MTMR7: variants seen among roughly 807,000 people sequenced by gnomAD.
The protein encoded by MTMR7 is myotubularin related protein 7.
In MTMR7, 76 loss-of-function variants were observed where a neutral mutation model predicts 81.2. The ratio of observed to expected loss-of-function variants is 0.94; its 90% CI spans 0.78 to 1.13. The LOEUF (loss-of-function observed/expected upper bound fraction) is 1.13, where lower values mean the gene tolerates loss of function less well. Ranked by LOEUF, MTMR7 falls within the 50% of genes most tolerant of loss-of-function variation. MTMR7 has a pLI of 0.00. For synonymous variants in MTMR7, 372 were observed against 289.8 expected (o/e 1.28, Z -2.88); for missense variants, 1,044 against 820.0 (o/e 1.27, Z -3.34).
intron 7 of MTMR7, among the ~76,000 whole-genome samples, chr8:17,321,987 A>G (rs915622548): frequency 1.3e-5 from 2 of 152,094 alleles, no homozygotes; most frequent in Non-Finnish European, 2.9e-5. Flanking sequence ...ATTTTCTCCT[A>G]TGCAATTGCT....
intron 6 of MTMR7, among the ~76,000 whole-genome samples, chr8:17,337,554 T>C (rs1318204099): frequency 2.0e-5 from 3 of 152,096 alleles, no homozygotes; most frequent in East Asian, 1.9e-4. Context: ...CTGAAGAGTA[T>C]AATTTTTTTT....
At chr8:17,368,571 T>G (rs1385302693) in intron 3 of MTMR7, among the ~76,000 whole-genome samples, 5 of 152,206 alleles carry the variant, frequency 3.3e-5, no homozygotes, top group Non-Finnish European at 5.9e-5. Flanking sequence ...ATCCCCCAGT[T>G]GAAGGCAACT....
intron 1 of MTMR7, among the ~76,000 whole-genome samples, chr8:17,380,572 TAAA>T (rs71215249): frequency 1.4e-5 from 2 of 146,442 alleles, no homozygotes; most frequent in Admixed American, 6.8e-5. Flanking sequence ...CTGATGAGCT[TAAA>T]AAAAAAAAAA....
At chr8:17,304,138 TATG>T (rs1042268575) in intron 12 of MTMR7, among the ~76,000 whole-genome samples, 2 of 152,222 alleles carry the variant, frequency 1.3e-5, no homozygotes, top group African/African-American at 4.8e-5. Flanking sequence ...TTAACCTTTT[TATG>T]ATATCATTAT....
intron 7 of MTMR7, among the ~76,000 whole-genome samples, chr8:17,314,207 G>T (rs554599388): frequency 6.6e-6 from 1 of 152,168 alleles, no homozygotes; most frequent in African/African-American, 2.4e-5. Context: ...CAAAGTGGAG[G>T]TTTAGACCTA....
In MTMR7 at chr8:17,307,604, C is replaced by T. The variant is rs952756701; in HGVS notation, c.1152-1647G>A. On this transcript the variant is annotated intron_variant, in intron 10 of 13. Transcript: ENST00000180173. ...ATGCACATGAATGTTTATAGCGGCACTATTCACAATAGCAAAGACTTGGAA... is the reference window on the plus strand; with the variant it reads ...ATGCACATGAATGTTTATAGCGGCATTATTCACAATAGCAAAGACTTGGAA... 1.1e-4 allele frequency among the ~76,000 whole-genome samples: 17 copies of T among 152,168 alleles called. No homozygotes were observed. In the East Asian group the frequency reaches 3.3e-3, roughly 29 times the overall value.
chr8:17,376,480 A>G (rs1056799155), intron 1 of MTMR7, among the ~76,000 whole-genome samples: 1 of 152,220 alleles, frequency 6.6e-6, no homozygotes, highest in African/African-American at 2.4e-5. Context: ...GTCATTTGGT[A>G]AGTCATATAG....
At chr8:17,308,533 G>A (rs768229081) in intron 10 of MTMR7, among the ~76,000 whole-genome samples, 54 of 152,268 alleles carry the variant, frequency 3.5e-4, no homozygotes, top group Non-Finnish European at 4.1e-4. Context: ...AGAAAACACA[G>A]TAAAACTTCT....
intron 6 of MTMR7, among the ~76,000 whole-genome samples, chr8:17,341,110 T>G: frequency 6.6e-6 from 1 of 152,218 alleles, no homozygotes; most frequent in East Asian, 1.9e-4. Context: ...CACATTCATT[T>G]GGGTGCCCCT....
At position 17,369,897 on chromosome 8, in the gene MTMR7, G is replaced by A. The variant is rs562669052; in HGVS notation, c.310+1140C>T. 1.8e-4 allele frequency among the ~76,000 whole-genome samples: 28 copies of A among 151,872 alleles called. No homozygotes were observed. The South Asian group carries it at 4.8e-3, about 26-fold the overall frequency. ...CCTGACTTTGCAATCCGCCTGCCTC[G>A]GCCTCCCAAAGTGCTGGGATTACAG... On this transcript the variant is annotated intron_variant, in intron 3 of 13. Transcript: ENST00000180173.
intron 13 of MTMR7, among the ~76,000 whole-genome samples, chr8:17,300,772 T>C (rs1817058975): frequency 6.6e-6 from 1 of 152,248 alleles, no homozygotes. Flanking sequence ...TCATTTCCCA[T>C]TCCTATCTCC....
At chr8:17,392,006 A>C (rs1244015793) in intron 1 of MTMR7, among the ~76,000 whole-genome samples, 1 of 152,142 alleles carries the variant, frequency 6.6e-6, no homozygotes, top group Non-Finnish European at 1.5e-5. Flanking sequence ...GGCCTAAGAA[A>C]TATGGTACAA....
chr8:17,312,601 A>T (rs958977932), intron 8 of MTMR7, among the ~76,000 whole-genome samples: 3 of 127,718 alleles, frequency 2.3e-5, no homozygotes, highest in African/African-American at 5.8e-5. Flanking sequence ...AAAAAAAAAA[A>T]TTCTCTGTCT....
At chr8:17,357,565 T>C (rs1156316766) in intron 4 of MTMR7, among the ~76,000 whole-genome samples, 3 of 152,116 alleles carry the variant, frequency 2.0e-5, no homozygotes, top group African/African-American at 4.8e-5. Context: ...TTTTCCCTCA[T>C]AGCTATCACA....
In MTMR7 at chr8:17,374,405, G is replaced by A. The variant is rs1251206640; in HGVS notation, c.25-1165C>T. Among the ~76,000 whole-genome samples, 8 of 151,598 alleles carry A rather than the reference G, an allele frequency of 5.3e-5. No individual in the cohort carries two copies. The East Asian group carries it at 5.9e-4, about 11-fold the overall frequency. On this transcript the variant is annotated intron_variant, in intron 1 of 13. Transcript: ENST00000180173. ...TGGGAGGCCGAGGCAGGTGGATCAC[G>A]AGGTAAAGAGATCGAGACCATCCTG...
intron 7 of MTMR7, among the ~76,000 whole-genome samples, chr8:17,325,505 G>T (rs535956071): frequency 6.6e-6 from 1 of 152,300 alleles, no homozygotes; most frequent in East Asian, 1.9e-4. Context: ...CTGCTAAAAA[G>T]ATTCCAGTCT....
chr8:17,317,807 TC>T (rs1818174189), intron 7 of MTMR7, among the ~76,000 whole-genome samples: 1 of 152,200 alleles, frequency 6.6e-6, no homozygotes, highest in Non-Finnish European at 1.5e-5. Flanking sequence ...AGCTTTTTTT[TC>T]TAGTCTGTGG....
rs932754500 is a variant in MTMR7, at chr8:17,298,043, A to T, written c.*1819T>A. ...TGGCATAGATACTTTGTCATTTTTT[A>T]AAAAATGTTTATTGTTTTTATAGAC... On this transcript the variant is annotated 3_prime_UTR_variant, in exon 14 of 14. Coordinates refer to ENST00000180173, the MANE Select transcript of MTMR7 (RefSeq NM_004686.5). 13 of 152,172 alleles carry T rather than the reference A, an allele frequency of 8.5e-5. No individual in the cohort carries two copies. The highest frequency in any genetic ancestry group is 2.6e-4 in the Admixed American group (4 of 15,286). The allele number at this position is 152,172 out of a possible 1,614,324, so 9.4% of individuals were successfully genotyped here. A position where few individuals can be genotyped will look rare whatever the true frequency, so the allele number is the denominator to read the frequency against.
At chr8:17,387,817 A>G (rs1820996594) in intron 1 of MTMR7, among the ~76,000 whole-genome samples, 1 of 152,186 alleles carries the variant, frequency 6.6e-6, no homozygotes, top group South Asian at 2.1e-4. Context: ...TCAGATAAGG[A>G]TTATTGTATC....
Sources: allele counts gnomAD v4.1 joint callset (sites outside exome capture counted in the v4.1 genomes callset), GRCh38; gene constraint gnomAD v4.1.1; transcripts MANE v1.5; gene names NCBI Gene and HGNC (gene_info 2026-07-23, HGNC 2026-07-21).